The following DCAF5 variants were observed in gnomAD, a reference collection of about 807,000 sequenced individuals.
The protein encoded by DCAF5 is DDB1- and CUL4-associated factor 5.
Under a neutral mutation model 80.7 loss-of-function variants are expected in DCAF5, and 9 were observed. The observed-to-expected ratio is 0.11, with a 90% CI of 0.07 to 0.19. The LOEUF is 0.19. Ranked by LOEUF, DCAF5 falls within the 10% of genes least tolerant of loss-of-function variation. The pLI is 1.00. For missense variants in DCAF5, 842 were observed against 1,205.7 expected (o/e 0.70, Z 4.47); for synonymous variants, 433 against 461.9 (o/e 0.94, Z 0.80).
intron 1 of DCAF5, among the ~76,000 whole-genome samples, chr14:69,125,793 TAATGGTAATAAAAGC>T (rs2040853364): frequency 1.3e-5 from 2 of 152,100 alleles, no homozygotes; most frequent in South Asian, 4.1e-4. Context: ...ATTGAAAACC[TAATGGTAATAAAAGC>T]AAGTTTCGAA....
At chr14:69,078,783 A>G (rs1345819220) in intron 6 of DCAF5, among the ~76,000 whole-genome samples, 1 of 152,170 alleles carries the variant, frequency 6.6e-6, no homozygotes, top group African/African-American at 2.4e-5. Context: ...GTGGGCAGAG[A>G]GTTTCAGTTT....
chr14:69,146,719 C>G (rs915219080), intron 1 of DCAF5, among the ~76,000 whole-genome samples: 1 of 152,208 alleles, frequency 6.6e-6, no homozygotes, highest in Admixed American at 6.5e-5. Flanking sequence ...GTTCTCATAG[C>G]TCCTGTTTTA....
chr14:69,062,246 T>C (rs2038241933), intron 8 of DCAF5, 138 bp downstream of exon 8: 1 of 949,184 alleles, frequency 1.1e-6, no homozygotes, highest in Admixed American at 2.9e-5. Flanking sequence ...TCTAATATTT[T>C]GTAATATGTT....
intron 6 of DCAF5, among the ~76,000 whole-genome samples, chr14:69,085,974 C>T (rs972683065): frequency 2.8e-4 from 42 of 152,272 alleles, no homozygotes; most frequent in African/African-American, 9.9e-4. Context: ...GCTAACAATT[C>T]GATTTGCCGT....
intron 5 of DCAF5, among the ~76,000 whole-genome samples, chr14:69,102,627 C>T (rs2040001642): frequency 6.8e-6 from 1 of 146,166 alleles, no homozygotes; most frequent in Admixed American, 6.8e-5. Flanking sequence ...CACATATTAG[C>T]CTAGACCTAC....
intron 5 of DCAF5, among the ~76,000 whole-genome samples, chr14:69,102,591 G>GACACACACACACACTCACACACAC (rs2039997061): frequency 8.0e-6 from 1 of 124,880 alleles, no homozygotes; most frequent in East Asian, 2.9e-4. Flanking sequence ...TAAAAACAAA[G>GACACACACACACACTCACACACAC]ACACACACAC....
intron 5 of DCAF5, among the ~76,000 whole-genome samples, chr14:69,113,217 A>T (rs1376580984): frequency 2.0e-5 from 3 of 152,136 alleles, no homozygotes; most frequent in Non-Finnish European, 2.9e-5. Flanking sequence ...TCAGGGTGAG[A>T]CCTTCATCAC....
At chr14:69,115,043 G>A (rs2040498686) in intron 5 of DCAF5, among the ~76,000 whole-genome samples, 2 of 152,176 alleles carry the variant, frequency 1.3e-5, no homozygotes, top group Admixed American at 1.3e-4. Context: ...GGTGCAGTTT[G>A]TCCAAATCCT....
chr14:69,065,829 T>C (rs2038415953), intron 7 of DCAF5, among the ~76,000 whole-genome samples: 1 of 152,266 alleles, frequency 6.6e-6, no homozygotes, highest in South Asian at 2.1e-4. Context: ...TCAATAGTAG[T>C]ATCAAATTGG....
At chr14:69,084,998 C>T (rs1219797361) in intron 6 of DCAF5, 11 of 1,377,434 alleles carry the variant, frequency 8.0e-6, no homozygotes, top group Admixed American at 1.7e-5. Flanking sequence ...TTCTTCACTA[C>T]CTGAAATGAT....
At chr14:69,128,466 G>GT (rs2140086428) in intron 1 of DCAF5, among the ~76,000 whole-genome samples, 1 of 152,284 alleles carries the variant, frequency 6.6e-6, no homozygotes, top group African/African-American at 2.4e-5. Flanking sequence ...GATTACAGGC[G>GT]TGAGCCTGGC....
rs2039224320 is a variant in DCAF5, at chr14:69,084,117, T to C, written c.879+7557A>G. 6.1e-6 allele frequency: 5 copies of C among 821,554 alleles called. No individual in the cohort carries two copies. In the African/African-American group the frequency reaches 6.7e-5, roughly 11 times the overall value. The allele number at this position is 821,554 out of a possible 1,614,324, so 50.9% of individuals were successfully genotyped here. ...GAACTCATTGTTAAGTTAAATTTCA[T>C]GCCCAGGAATGGAACAGGGGTCCTT... On this transcript the variant is annotated intron_variant, in intron 6 of 8. Transcript: ENST00000341516.
chr14:69,073,361 G>A (rs1254119759), intron 7 of DCAF5, among the ~76,000 whole-genome samples: 1 of 152,162 alleles, frequency 6.6e-6, no homozygotes, highest in African/African-American at 2.4e-5. Flanking sequence ...AAACCTGCCA[G>A]CACCTTGATC....
intron 5 of DCAF5, among the ~76,000 whole-genome samples, chr14:69,115,364 T>A (rs1286161101): frequency 2.0e-5 from 3 of 152,168 alleles, no homozygotes; most frequent in Non-Finnish European, 2.9e-5. Context: ...AACCATCTCT[T>A]ACTGCCCCAT....
chr14:69,054,390 C>T lies in DCAF5; in HGVS notation c.2296G>A (p.Gly766Ser), dbSNP rs1299948416. 1 of 1,614,112 alleles carries T rather than the reference C, an allele frequency of 6.2e-7. No individual in the cohort carries two copies. The highest frequency in any genetic ancestry group is 1.1e-5 in the South Asian group (1 of 91,084). Residue 766 changes from glycine (G) to serine (S), a missense_variant, in exon 9 of 9, where the codon GGC becomes AGC. Gly to Ser is a moderately conservative substitution (Grantham distance 56). This residue lies in a region of DCAF5 where 607 missense variants were observed against 656.6 expected (regional missense o/e 0.92). Transcript: ENST00000341516. ...EVPEGTSQDT[G>S]NSGSVEHPFE... ...GGGTGCTCTACAGAGCCGCTATTGC[C>T]AGTGTCCTGAGAGGTACCCTCTGGC...
intron 5 of DCAF5, among the ~76,000 whole-genome samples, chr14:69,097,434 G>A (rs978856643): frequency 2.6e-5 from 4 of 151,744 alleles, no homozygotes; most frequent in South Asian, 2.1e-4. Flanking sequence ...CTGCATCCTC[G>A]TACACCCACA....
intron 1 of DCAF5, among the ~76,000 whole-genome samples, chr14:69,151,570 C>A (rs2140136733): frequency 6.6e-6 from 1 of 152,276 alleles, no homozygotes; most frequent in South Asian, 2.1e-4. Flanking sequence ...AGCAGCCAAG[C>A]AGGAACGCCC....
At chr14:69,142,063 G>A (rs1370421594) in intron 1 of DCAF5, among the ~76,000 whole-genome samples, 2 of 152,182 alleles carry the variant, frequency 1.3e-5, no homozygotes, top group Non-Finnish European at 2.9e-5. Context: ...GGAAGGCCAA[G>A]GTGAGAGGAT....
chr14:69,134,957 G>A (rs1406731737), intron 1 of DCAF5, among the ~76,000 whole-genome samples: 1 of 152,092 alleles, frequency 6.6e-6, no homozygotes, highest in East Asian at 1.9e-4. Flanking sequence ...TTTATTCTAA[G>A]GGAAAATATT....
Sources: gnomAD v4.1 joint callset for allele counts (sites outside exome capture counted in the v4.1 genomes callset) on GRCh38, gnomAD v4.1.1 for gene constraint, gnomAD v4.1.1 regional missense constraint, MANE v1.5 for transcripts, NCBI Gene and HGNC (gene_info 2026-07-23, HGNC 2026-07-21) for gene names.